Variants in CHRNA2 observed in about 807,000 individuals in gnomAD.
The protein encoded by CHRNA2 is neuronal acetylcholine receptor subunit alpha-2.
Under a neutral mutation model 45.5 loss-of-function variants are expected in CHRNA2, and 40 were observed. That is an observed-to-expected ratio of 0.88 (90% CI 0.68 to 1.15). The LOEUF is 1.15. CHRNA2 is among the 50% of genes most tolerant of loss of function. The pLI is 0.00. For missense variants in CHRNA2, 655 were observed against 701.7 expected (o/e 0.93, Z 0.75); for synonymous variants, 301 against 296.7 (o/e 1.01, Z -0.15).
intron 1 of CHRNA2, among the ~76,000 whole-genome samples, chr8:27,474,174 C>T (rs184457909): frequency 8.6e-4 from 131 of 152,138 alleles, no homozygotes; most frequent in Non-Finnish European, 1.6e-3. Flanking sequence ...TGGCATTGCA[C>T]AATGACAGTT....
rs1181108193 is a variant in CHRNA2, at chr8:27,461,646, G to A, written c.1573C>T (p.Leu525=). ...AGGTGCAGTCAGATCATTCCAGCTA[G>A]GAACGGAGGCAGAAAGAGGCCGATG... is the stretch of plus-strand genomic sequence containing the variant. The part of the protein sequence containing the change: ...GTIGLFLPPF[L]AGMI Residue 525 remains leucine (L), a synonymous_variant, in exon 7 of 7, where the codon CTA becomes TTA. Transcript: ENST00000407991. 2 of 1,614,240 alleles carry A rather than the reference G, an allele frequency of 1.2e-6. No homozygotes were observed. The highest frequency in any genetic ancestry group is 4.5e-5 in the East Asian group (2 of 44,888).
At chr8:27,467,153 C>A in intron 5 of CHRNA2, 76 bp downstream of exon 5, 1 of 1,142,330 alleles carries the variant, frequency 8.8e-7, no homozygotes, top group African/African-American at 1.5e-5. Flanking sequence ...ACCAGGGGGG[C>A]CCCTCCCAAG....
At position 27,461,762 on chromosome 8, in the gene CHRNA2, G is replaced by A. The variant is rs767437489; in HGVS notation, c.1465-8C>T. The A allele has an allele frequency of 1.9e-6, 3 of 1,613,960 alleles. No homozygotes were observed. Among genetic ancestry groups the A allele is most frequent in the African/African-American group, 1.3e-5 (1 of 74,934 alleles). ...CTTCCAGTCCTCCTTCACCTGTGGG[G>A]AAGACAGCACACAGTGACAGGGGCC... On this transcript the variant is annotated splice_polypyrimidine_tract_variant and splice_region_variant and intron_variant, in intron 6 of 6. Coordinates refer to ENST00000407991, the MANE Select transcript of CHRNA2 (RefSeq NM_000742.4).
At chr8:27,469,495 G>C in intron 3 of CHRNA2, 116 bp from the exon 4 acceptor site, 1 of 1,127,212 alleles carries the variant, frequency 8.9e-7, no homozygotes, top group East Asian at 2.6e-5. Flanking sequence ...AGCCCAGCCC[G>C]CCCGCCACCC....
At chr8:27,468,452 T>A (rs559232844) in intron 4 of CHRNA2, among the ~76,000 whole-genome samples, 13 of 152,346 alleles carry the variant, frequency 8.5e-5, no homozygotes, top group Admixed American at 8.5e-4. Context: ...CGCCCTTTCC[T>A]GAGTCTAACT....
At chr8:27,473,535 C>CA (rs60439689) in intron 1 of CHRNA2, among the ~76,000 whole-genome samples, 6 of 138,372 alleles carry the variant, frequency 4.3e-5, no homozygotes, top group East Asian at 2.5e-4. Context: ...CCCCCCCCGC[C>CA]GTCTCTACAA....
intron 2 of CHRNA2, 143 bp downstream of exon 2, chr8:27,470,843 G>T: frequency 1.3e-6 from 1 of 799,846 alleles, no homozygotes. Flanking sequence ...CTCTGCCAGT[G>T]GAAACAGCCA....
intron 4 of CHRNA2, chr8:27,467,588 G>A: frequency 2.0e-6 from 1 of 490,434 alleles, no homozygotes; most frequent in Non-Finnish European, 3.7e-6. Flanking sequence ...CCCTTGTCCT[G>A]CCTCTAGTCC....
chr8:27,474,876 G>T (rs1034000681), intron 1 of CHRNA2, among the ~76,000 whole-genome samples: 4 of 152,230 alleles, frequency 2.6e-5, no homozygotes, highest in Admixed American at 2.6e-4. Context: ...TGGGATCTCT[G>T]GCCCTCGAAG....
Position 27,463,431 on chromosome 8 carries a change from A to G in CHRNA2, c.1012T>C (p.Phe338Leu). ...IGEYLLFTMIFVTLSIVITVF... is the reference protein window; with the variant it reads ...IGEYLLFTMILVTLSIVITVF... ...GTGATGACGATGGACAGGGTGACGAAGATCATGGTGAACAGCAGGTACTCG... is the reference window on the plus strand; with the variant it reads ...GTGATGACGATGGACAGGGTGACGAGGATCATGGTGAACAGCAGGTACTCG... Residue 338 changes from phenylalanine to leucine, a missense_variant, in exon 6 of 7, where the codon TTC becomes CTC. Physicochemically the swap from Phe to Leu is conservative, Grantham distance 22. Transcript: ENST00000407991. This position sits in a 1 kb window ranked among gnomAD's most constrained non-coding sequence, Gnocchi z 6.1. 6.2e-7 allele frequency: 1 copy of G among 1,614,216 alleles called. No homozygotes were observed. The highest frequency in any genetic ancestry group is 8.5e-7 in the Non-Finnish European group (1 of 1,180,040).
At chr8:27,465,612 G>C (rs987538701) in intron 5 of CHRNA2, among the ~76,000 whole-genome samples, 8 of 152,070 alleles carry the variant, frequency 5.3e-5, no homozygotes, top group Non-Finnish European at 8.8e-5. Context: ...TGTATTTTTA[G>C]TAGAGACAGG....
chr8:27,468,380 CT>C (rs527569058), intron 4 of CHRNA2, among the ~76,000 whole-genome samples: 3 of 152,342 alleles, frequency 2.0e-5, no homozygotes, highest in Admixed American at 2.0e-4. Flanking sequence ...GAGTGACCCC[CT>C]GATAGCTCCT....
At chr8:27,472,647 C>T (rs1354960610) in intron 1 of CHRNA2, among the ~76,000 whole-genome samples, 3 of 152,170 alleles carry the variant, frequency 2.0e-5, no homozygotes, top group Admixed American at 6.5e-5. Context: ...GCAGGGGCAG[C>T]GGGAAGGAGG....
In CHRNA2 at chr8:27,463,201, C is replaced by A; in HGVS notation, c.1242G>T (p.Glu414Asp). The A allele has an allele frequency of 6.3e-7, 1 of 1,588,942 alleles. No individual in the cohort carries two copies. Among genetic ancestry groups the A allele is most frequent in the Non-Finnish European group, 8.6e-7 (1 of 1,164,280 alleles). Residue 414 changes from glutamate (E) to aspartate (D), a missense_variant, in exon 6 of 7, where the codon GAG becomes GAT. This residue lies in a region of CHRNA2 where 295 missense variants were observed against 280.4 expected (regional missense o/e 1.05). Transcript: ENST00000407991. The surrounding 1 kb of genome is among the most constrained non-coding windows in gnomAD (Gnocchi z 6.1). Reference protein sequence around the residue: ...LESNVDAEEREVVVEEEDRWA... With the variant: ...LESNVDAEERDVVVEEEDRWA... The stretch of plus-strand genomic sequence containing the variant: ...ATCTGTCCTCCTCCTCCACCACCAC[C>A]TCCCTCTCCTCGGCATCCACGTTGC...
chr8:27,472,942 T>A (rs1371132033), intron 1 of CHRNA2, among the ~76,000 whole-genome samples: 1 of 152,186 alleles, frequency 6.6e-6, no homozygotes, highest in African/African-American at 2.4e-5. Context: ...AGGGTTCTAG[T>A]GACCAGAAGG....
intron 4 of CHRNA2, among the ~76,000 whole-genome samples, chr8:27,468,133 C>T (rs545711901): frequency 9.1e-4 from 139 of 152,328 alleles, no homozygotes; most frequent in Non-Finnish European, 1.8e-3. Flanking sequence ...TGAGAGGTTA[C>T]GTAGCTCATC....
Position 27,460,509 on chromosome 8 carries a change from A to C in CHRNA2, c.*1120T>G, listed in dbSNP as rs1345020277. 1.3e-5 allele frequency: 2 copies of C among 152,178 alleles called. No homozygotes were observed. The highest frequency in any genetic ancestry group is 4.8e-5 in the African/African-American group (2 of 41,420). 9.4% of individuals were successfully genotyped at this position (152,178 alleles called of 1,614,324 possible). On this transcript the variant is annotated 3_prime_UTR_variant, in exon 7 of 7. Coordinates refer to ENST00000407991, the MANE Select transcript of CHRNA2 (RefSeq NM_000742.4). ...AACGCCCTAAGTGCTGACCCCACTC[A>C]CCCGGCGCTGTGCTAGGTGCTGGGG...
intron 1 of CHRNA2, among the ~76,000 whole-genome samples, chr8:27,472,725 ACG>A (rs1344931601): frequency 1.3e-5 from 2 of 152,204 alleles, no homozygotes; most frequent in African/African-American, 4.8e-5. Flanking sequence ...CTGGAACTAG[ACG>A]GTGTGATGTT....
chr8:27,464,125 C>A (rs1812624217), intron 5 of CHRNA2, 132 bp from the exon 6 acceptor site: 2 of 999,494 alleles, frequency 2.0e-6, no homozygotes, highest in African/African-American at 1.6e-5. Flanking sequence ...TTTATTTATG[C>A]AAGTGTGTAA....
Sources: gnomAD v4.1 joint callset for allele counts (sites outside exome capture counted in the v4.1 genomes callset) on GRCh38, gnomAD v4.1.1 for gene constraint, gnomAD v4.1.1 regional missense constraint, Gnocchi (gnomAD v3.1) non-coding constraint, MANE v1.5 for transcripts, NCBI Gene and HGNC (gene_info 2026-07-23, HGNC 2026-07-21) for gene names.